CPEB4: variants seen among roughly 807,000 people sequenced by gnomAD.
CPEB4 encodes cytoplasmic polyadenylation element-binding protein 4.
In CPEB4, 12 loss-of-function variants were observed where a neutral mutation model predicts 72.5. That is an observed-to-expected ratio of 0.17 (90% confidence interval 0.11 to 0.27). The LOEUF is 0.27. Ranked by LOEUF, CPEB4 falls within the 10% of genes least tolerant of loss-of-function variation. The pLI is 1.00. For missense variants in CPEB4, 614 were observed against 908.5 expected, an observed-to-expected ratio of 0.68 and a Z score of 4.17; for synonymous variants, 302 against 326.3, an observed-to-expected ratio of 0.93 and a Z score of 0.80.
At chr5:173,893,516 A>G (rs1005410636) in intron 1 of CPEB4, among the ~76,000 whole-genome samples, 1 of 152,156 alleles carries the variant, frequency 6.6e-6, no homozygotes, top group African/African-American at 2.4e-5. Context: ...AGATATTAGC[A>G]CTTCAATTTA....
chr5:173,889,611 A>G lies in CPEB4; in HGVS notation c.-123A>G, dbSNP rs1755730532. On this transcript the variant is annotated 5_prime_UTR_variant, in exon 1 of 10. Coordinates refer to ENST00000265085, the MANE Select transcript of CPEB4 (RefSeq NM_030627.4). ...GGTGATAAGCTGCGATCTTTGAGCT[A>G]GCTATAAATAAGACATTTCAAGCAA... The G allele has an allele frequency of 1.3e-6, 1 of 798,154 alleles. No homozygotes were observed. Among genetic ancestry groups the G allele is most frequent in the Admixed American group, 2.7e-5 (1 of 37,698 alleles). The allele number at this position is 798,154 out of a possible 1,614,324, so 49.4% of individuals were successfully genotyped here. A position where few individuals can be genotyped will look rare whatever the true frequency, so the allele number is the denominator to read the frequency against.
intron 3 of CPEB4, among the ~76,000 whole-genome samples, chr5:173,934,808 G>A (rs1757565962): frequency 6.6e-6 from 1 of 152,224 alleles, no homozygotes; most frequent in Admixed American, 6.5e-5. Flanking sequence ...GAGGAGAGGT[G>A]TTGAGAATTT....
intron 2 of CPEB4, among the ~76,000 whole-genome samples, chr5:173,928,670 A>G (rs1484679675): frequency 2.0e-5 from 3 of 152,220 alleles, no homozygotes; most frequent in Non-Finnish European, 4.4e-5. Flanking sequence ...TTACACCAAT[A>G]TAGCAGAGAG....
chr5:173,934,517 A>G (rs895821949), intron 3 of CPEB4, among the ~76,000 whole-genome samples: 2 of 152,034 alleles, frequency 1.3e-5, no homozygotes, highest in Admixed American at 1.3e-4. Context: ...CCCAAGCAAG[A>G]CCCGGGAGTG....
rs1383532913 is a variant in CPEB4, at chr5:173,888,446, C to CAGAGGAGGA, written c.-1275_-1267dup. The CAGAGGAGGA allele has an allele frequency of 2.2e-6, 1 of 454,472 alleles. No individual in the cohort carries two copies. The highest frequency in any genetic ancestry group is 4.2e-5 in the Admixed American group (1 of 23,790). 28.2% of individuals were successfully genotyped at this position (454,472 alleles called of 1,614,324 possible). A position where few individuals can be genotyped will look rare whatever the true frequency, so the allele number is the denominator to read the frequency against. ...GCGGCGGCGGCAGCAGCGGCGACAG[C>CAGAGGAGGA]AGAGGAGGAAGAGGAGGAAGAAGGA... On this transcript the variant is annotated 5_prime_UTR_variant, in exon 1 of 10. Transcript: ENST00000265085. This position sits in a 1 kb window ranked among gnomAD's most constrained non-coding sequence, Gnocchi z 4.3.
chr5:173,906,600 A>G (rs1231454932), intron 1 of CPEB4, among the ~76,000 whole-genome samples: 1 of 152,246 alleles, frequency 6.6e-6, no homozygotes, highest in Admixed American at 6.5e-5. Flanking sequence ...CTGTGGAGGC[A>G]GTTTCCTTCT....
At position 173,890,260 on chromosome 5, in the gene CPEB4, C is replaced by T; in HGVS notation, c.527C>T (p.Ala176Val). The change falls in exon 1 of 10, where the codon GCG (alanine) becomes GTG (valine). Residue 176 changes from alanine (A) to valine (V), a missense_variant. This residue lies in a region of CPEB4 where 458 missense variants were observed against 548.6 expected (regional missense o/e 0.83). Transcript: ENST00000265085. ...TTCAGTAACTGGTCAGCAGCGATAG[C>T]GCCTTCCTCCTCTACAATAATCAAT... Reference protein sequence around the residue: ...TGFSNWSAAIAPSSSTIINED... With the variant: ...TGFSNWSAAIVPSSSTIINED... 6.2e-7 allele frequency: 1 copy of T among 1,613,968 alleles called. No individual in the cohort carries two copies. The highest frequency in any genetic ancestry group is 1.7e-5 in the Admixed American group (1 of 59,994).
At position 173,889,271 on chromosome 5, in the gene CPEB4, ATG is replaced by A. The variant is rs1394784985; in HGVS notation, c.-460_-459del. ...CCCTCTTAGTCCTATTCTAATTTTT[ATG>A]TGAGTGAATCTAAACTGCTGAGGAA... On this transcript the variant is annotated 5_prime_UTR_variant, in exon 1 of 10. The change abolishes the stop of an existing upstream ORF in the 5' untranslated region. Transcript: ENST00000265085. The A allele has an allele frequency of 6.6e-6, 1 of 152,106 alleles. No individual in the cohort carries two copies. The highest frequency in any genetic ancestry group is 2.4e-5 in the African/African-American group (1 of 41,364). 9.4% of individuals were successfully genotyped at this position (152,106 alleles called of 1,614,324 possible).
Position 173,960,019 on chromosome 5 carries a change from T to C in CPEB4, c.*3882T>C, listed in dbSNP as rs1051099690. The stretch of plus-strand genomic sequence containing the variant: ...CAGTTAATTGTACTACTTGGCTGAA[T>C]TTCCATATAGTTTTTACTGTGTATG... On this transcript the variant is annotated 3_prime_UTR_variant, in exon 10 of 10. Coordinates refer to ENST00000265085, the MANE Select transcript of CPEB4 (RefSeq NM_030627.4). 7.9e-5 allele frequency: 12 copies of C among 152,672 alleles called. No homozygotes were observed. Among genetic ancestry groups the C allele is most frequent in the African/African-American group, 2.9e-4 (12 of 41,442 alleles). 9.5% of individuals were successfully genotyped at this position (152,672 alleles called of 1,614,324 possible). A position where few individuals can be genotyped will look rare whatever the true frequency, so the allele number is the denominator to read the frequency against.
At chr5:173,945,484 T>A (rs55727058) in intron 5 of CPEB4, among the ~76,000 whole-genome samples, 2,754 of 152,270 alleles carry the variant, frequency 0.018, 39 homozygotes, top group Non-Finnish European at 0.025. Context: ...ATTTTCCTTT[T>A]TCCCCCCACA....
chr5:173,902,470 T>TA (rs1004735372), intron 1 of CPEB4, among the ~76,000 whole-genome samples: 3 of 152,248 alleles, frequency 2.0e-5, no homozygotes, highest in Middle Eastern at 3.4e-3. Flanking sequence ...AGCTCAAGTA[T>TA]AAAAAGAAGC....
At chr5:173,942,312 T>G (rs532885346) in intron 3 of CPEB4, among the ~76,000 whole-genome samples, 4 of 152,386 alleles carry the variant, frequency 2.6e-5, no homozygotes, top group African/African-American at 9.6e-5. Context: ...AGTGCCAGTT[T>G]GTTTCAGGGA....
intron 3 of CPEB4, among the ~76,000 whole-genome samples, chr5:173,936,233 C>T (rs1446900719): frequency 2.6e-5 from 4 of 152,164 alleles, no homozygotes; most frequent in Admixed American, 2.6e-4. Flanking sequence ...GTTCTGGAGG[C>T]TAGAAGTACA....
At chr5:173,922,904 T>G (rs1160096076) in intron 2 of CPEB4, among the ~76,000 whole-genome samples, 1 of 152,254 alleles carries the variant, frequency 6.6e-6, no homozygotes, top group Non-Finnish European at 1.5e-5. Flanking sequence ...AGGGACTAAC[T>G]AAAAACAAAG....
intron 2 of CPEB4, among the ~76,000 whole-genome samples, chr5:173,923,887 A>T (rs773318232): frequency 6.6e-6 from 1 of 152,132 alleles, no homozygotes; most frequent in Non-Finnish European, 1.5e-5. Flanking sequence ...TGGCAAGGAT[A>T]AAAATAGCCT....
chr5:173,952,617 G>A (rs531343940), intron 8 of CPEB4, among the ~76,000 whole-genome samples: 43 of 152,224 alleles, frequency 2.8e-4, no homozygotes, highest in Admixed American at 5.9e-4. Context: ...AACTGACTGT[G>A]GGGAAAGAGT....
intron 2 of CPEB4, among the ~76,000 whole-genome samples, chr5:173,929,067 A>G (rs1012694958): frequency 6.6e-6 from 1 of 152,234 alleles, no homozygotes; most frequent in Non-Finnish European, 1.5e-5. Flanking sequence ...ATTAAAAACA[A>G]GTATCACTTT....
chr5:173,918,471 G>A, intron 2 of CPEB4, among the ~76,000 whole-genome samples: 1 of 152,166 alleles, frequency 6.6e-6, no homozygotes, highest in East Asian at 1.9e-4. Context: ...TGGGGTTGCT[G>A]TTGTTTTTGT....
intron 4 of CPEB4, among the ~76,000 whole-genome samples, chr5:173,944,406 T>C (rs1366352631): frequency 6.6e-6 from 1 of 151,546 alleles, no homozygotes; most frequent in South Asian, 2.1e-4. Flanking sequence ...GCACAAGAGT[T>C]TGAGGCTGCA....
Sources: allele counts gnomAD v4.1 joint callset (sites outside exome capture counted in the v4.1 genomes callset), GRCh38; gene constraint gnomAD v4.1.1; regional missense constraint gnomAD v4.1.1; non-coding constraint Gnocchi (gnomAD v3.1); transcripts MANE v1.5; gene names NCBI Gene and HGNC (gene_info 2026-07-23, HGNC 2026-07-21).